Variants in GRM7 observed in about 807,000 individuals in gnomAD.
The protein encoded by GRM7 is metabotropic glutamate receptor 7.
A neutral mutation model predicts 84.5 loss-of-function variants in GRM7; 35 were observed. The ratio of observed to expected loss-of-function variants is 0.41; its 90% CI spans 0.32 to 0.55. The LOEUF (loss-of-function observed/expected upper bound fraction) is 0.55, where lower values mean the gene tolerates loss of function less well. GRM7 is among the 20% of genes least tolerant of loss of function. The pLI is 0.19. For synonymous variants in GRM7, 487 were observed against 455.1 expected (o/e 1.07, Z -0.89); for missense variants, 1,003 against 1,194.6 (o/e 0.84, Z 2.36).
chr3:7,548,978 C>T (rs888388235), intron 7 of GRM7, among the ~76,000 whole-genome samples: 1 of 152,162 alleles, frequency 6.6e-6, no homozygotes, highest in Non-Finnish European at 1.5e-5. Context: ...TCTGGGGTGT[C>T]TTACTCAGTT....
chr3:7,156,227 G>A (rs1426040097), intron 2 of GRM7, among the ~76,000 whole-genome samples: 1 of 152,190 alleles, frequency 6.6e-6, no homozygotes, highest in Non-Finnish European at 1.5e-5. Flanking sequence ...TAAGTATGGG[G>A]GGAAAGCCAT....
intron 2 of GRM7, among the ~76,000 whole-genome samples, chr3:7,224,002 T>C (rs1332072736): frequency 6.6e-6 from 1 of 152,242 alleles, no homozygotes; most frequent in Non-Finnish European, 1.5e-5. Context: ...TTATCCAAAA[T>C]ACCTATTGGA....
chr3:7,526,206 AT>A (rs560863468), intron 7 of GRM7, among the ~76,000 whole-genome samples: 200 of 152,112 alleles, frequency 1.3e-3, no homozygotes, highest in African/African-American at 4.7e-3. Context: ...AACATCTGTT[AT>A]TTTTTGACCT....
chr3:7,100,468 A>C lies in GRM7; in HGVS notation c.520-45984A>C, dbSNP rs1007320224. On this transcript the variant is annotated intron_variant, in intron 1 of 9. Transcript: ENST00000357716. ...CTGCTATTAGAAAAACAAAAATTGGATAGTTTTTCATAGGCAAAAATACCA... is the reference window on the plus strand; with the variant it reads ...CTGCTATTAGAAAAACAAAAATTGGCTAGTTTTTCATAGGCAAAAATACCA... 5.8e-4 allele frequency among the ~76,000 whole-genome samples: 88 copies of C among 151,888 alleles called. 1 individual carries two copies. The highest frequency in any genetic ancestry group is 2.1e-3 in the African/African-American group (87 of 41,500).
At chr3:7,454,079 G>A (rs2124894762) in intron 6 of GRM7, among the ~76,000 whole-genome samples, 1 of 42,434 alleles carries the variant, frequency 2.4e-5, no homozygotes, top group Middle Eastern at 0.016. Flanking sequence ...TACATGAAAA[G>A]CTACACACAC....
rs748186928 is a variant in GRM7 at position 6,881,573 on chromosome 3, C to T, written c.519+19666C>T. On this transcript the variant is annotated intron_variant, in intron 1 of 9. Transcript: ENST00000357716. ...CATTTGGTCTAATACCCACAATCTA[C>T]AAGGAACTCAAACAAATTTTAAAGA... Among the ~76,000 whole-genome samples, 50 of 148,420 alleles carry T rather than the reference C, an allele frequency of 3.4e-4. 1 individual carries two copies. Among genetic ancestry groups the T allele is most frequent in the Admixed American group, 3.2e-3 (47 of 14,702 alleles).
intron 2 of GRM7, among the ~76,000 whole-genome samples, chr3:7,210,801 G>GTT (rs4054224): frequency 2.1e-5 from 3 of 145,686 alleles, no homozygotes; most frequent in Admixed American, 6.8e-5. Context: ...GCTGTGTATT[G>GTT]TTTTTTTTTT....
At chr3:7,096,950 G>A (rs1698879542) in intron 1 of GRM7, among the ~76,000 whole-genome samples, 2 of 152,144 alleles carry the variant, frequency 1.3e-5, no homozygotes, top group Non-Finnish European at 2.9e-5. Context: ...AACATTAATA[G>A]TAGAAACGTG....
In GRM7 at chr3:7,740,980, C is replaced by T. The variant is rs1034437234; in HGVS notation, c.*574C>T. On this transcript the variant is annotated 3_prime_UTR_variant, in exon 10 of 10. Coordinates refer to ENST00000357716, the MANE Select transcript of GRM7 (RefSeq NM_000844.4). ...ACATCTGTACATGACTGTATAATTA[C>T]GATTATAGTACCACTGCACATCATG... 6 of 151,402 alleles carry T rather than the reference C, an allele frequency of 4.0e-5. No individual in the cohort carries two copies. The highest frequency in any genetic ancestry group is 5.9e-5 in the Non-Finnish European group (4 of 67,862). The allele number at this position is 151,402 out of a possible 1,614,324, so 9.4% of individuals were successfully genotyped here. A position where few individuals can be genotyped will look rare whatever the true frequency, so the allele number is the denominator to read the frequency against.
chr3:7,057,447 AC>A (rs1209971497), intron 1 of GRM7, among the ~76,000 whole-genome samples: 1 of 151,854 alleles, frequency 6.6e-6, no homozygotes, highest in Non-Finnish European at 1.5e-5. Context: ...ATGTTATTTT[AC>A]TTTTTTATAC....
At chr3:7,340,190 G>T (rs970721845) in intron 4 of GRM7, among the ~76,000 whole-genome samples, 3 of 152,068 alleles carry the variant, frequency 2.0e-5, no homozygotes, top group African/African-American at 7.2e-5. Context: ...ATGTGTTATG[G>T]TGTCCGGGGT....
intron 1 of GRM7, among the ~76,000 whole-genome samples, chr3:6,972,408 C>A (rs148091026): frequency 6.6e-6 from 1 of 152,052 alleles, no homozygotes; most frequent in Non-Finnish European, 1.5e-5. Flanking sequence ...GGGTAAAGGA[C>A]GAGAAAATGT....
intron 1 of GRM7, among the ~76,000 whole-genome samples, chr3:7,120,045 T>C (rs1442405403): frequency 2.6e-5 from 4 of 151,988 alleles, no homozygotes; most frequent in African/African-American, 7.2e-5. Flanking sequence ...TCCTAGGAGA[T>C]TGAGAGATAA....
intron 2 of GRM7, among the ~76,000 whole-genome samples, chr3:7,162,061 G>T (rs573763608): frequency 6.6e-6 from 1 of 152,290 alleles, no homozygotes; most frequent in African/African-American, 2.4e-5. Context: ...GGATGGTGAT[G>T]GTTGTTACGA....
intron 7 of GRM7, among the ~76,000 whole-genome samples, chr3:7,475,461 A>AT (rs376146273): frequency 1.2e-4 from 18 of 150,618 alleles, no homozygotes; most frequent in East Asian, 2.0e-4. Flanking sequence ...CCTGATAATT[A>AT]TTTTTTTTTT....
Position 7,444,900 on chromosome 3 carries a change from T to A in GRM7, c.1175-7707T>A, listed in dbSNP as rs542407004. Reference sequence around the variant, plus strand: ...TTTTCTCCTTTGCTGTAATTCTTTTTGAGTCTTTAACAGAGCACTCAGTAC... The same window carrying A: ...TTTTCTCCTTTGCTGTAATTCTTTTAGAGTCTTTAACAGAGCACTCAGTAC... On this transcript the variant is annotated intron_variant, in intron 5 of 9. Coordinates refer to ENST00000357716, the MANE Select transcript of GRM7 (RefSeq NM_000844.4). Among the ~76,000 whole-genome samples the A allele has an allele frequency of 7.9e-5, 12 of 152,352 alleles. No individual in the cohort carries two copies. In the East Asian group the frequency reaches 2.3e-3, roughly 29 times the overall value.
At chr3:7,325,085 C>A (rs554722367) in intron 4 of GRM7, among the ~76,000 whole-genome samples, 1 of 152,116 alleles carries the variant, frequency 6.6e-6, no homozygotes, top group Non-Finnish European at 1.5e-5. Context: ...CCTTGCAGAC[C>A]ACCTGCTTCC....
chr3:7,052,908 C>A (rs1297316829), intron 1 of GRM7, among the ~76,000 whole-genome samples: 1 of 151,152 alleles, frequency 6.6e-6, no homozygotes, highest in Non-Finnish European at 1.5e-5. Flanking sequence ...TGCATAACTG[C>A]CTAGTAGTGT....
At chr3:7,234,086 T>G (rs916246920) in intron 2 of GRM7, among the ~76,000 whole-genome samples, 1 of 152,142 alleles carries the variant, frequency 6.6e-6, no homozygotes, top group Non-Finnish European at 1.5e-5. Flanking sequence ...TATAAATCTT[T>G]ATAATAACCA....
Sources: allele counts gnomAD v4.1 joint callset (sites outside exome capture counted in the v4.1 genomes callset), GRCh38; gene constraint gnomAD v4.1.1; transcripts MANE v1.5; gene names NCBI Gene and HGNC (gene_info 2026-07-23, HGNC 2026-07-21).